Variants in METTL21C observed in about 807,000 individuals in gnomAD.
METTL21C encodes protein-lysine methyltransferase METTL21C.
Under a neutral mutation model 25.9 loss-of-function variants are expected in METTL21C, and 21 were observed. The observed-to-expected ratio is 0.81, with a 90% confidence interval of 0.58 to 1.17. The LOEUF (loss-of-function observed/expected upper bound fraction) is 1.17, where lower values mean the gene tolerates loss of function less well. METTL21C is among the 50% of genes most tolerant of loss of function. The probability of loss-of-function intolerance (pLI) is 0.00; values close to 1 mark genes in which losing one functional copy is unlikely to be tolerated. For synonymous variants in METTL21C, 125 were observed against 124.7 expected, an observed-to-expected ratio of 1.00 and a Z score of -0.01; for missense variants, 312 against 315.1, an observed-to-expected ratio of 0.99 and a Z score of 0.07.
At position 102,686,479 on chromosome 13, in the gene METTL21C, A is replaced by G. The variant is rs897874531; in HGVS notation, c.401-54T>C. On this transcript the variant is annotated intron_variant, in intron 3 of 3. Transcript: ENST00000267273. ...AAACATCTGGGCAGTCACAGTGTAC[A>G]TATACCCAGGGAGAAACACAAGAAA... 5.2e-6 allele frequency: 8 copies of G among 1,537,412 alleles called. No individual in the cohort carries two copies. In the South Asian group the frequency reaches 9.1e-5, roughly 17 times the overall value.
upstream of METTL21C, among the ~76,000 whole-genome samples, chr13:102,699,130 C>A (rs887250605): frequency 4.6e-5 from 7 of 152,150 alleles, no homozygotes; most frequent in Non-Finnish European, 8.8e-5. Flanking sequence ...AGGGCCATAA[C>A]CCATAAAAAG....
chr13:102,697,011 G>A (rs1489146895), upstream of METTL21C, among the ~76,000 whole-genome samples: 1 of 152,148 alleles, frequency 6.6e-6, no homozygotes, highest in Admixed American at 6.5e-5. Context: ...CTCCTGCATG[G>A]CTTCGGAGGG....
chr13:102,689,378 A>T (rs1489651601), intron 2 of METTL21C, among the ~76,000 whole-genome samples: 1 of 152,246 alleles, frequency 6.6e-6, no homozygotes, highest in Non-Finnish European at 1.5e-5. Flanking sequence ...AATTATATGC[A>T]TAAGGTGTAA....
upstream of METTL21C, among the ~76,000 whole-genome samples, chr13:102,697,019 G>A (rs1274401570): frequency 6.6e-6 from 1 of 152,128 alleles, no homozygotes; most frequent in Admixed American, 6.5e-5. Context: ...TGGCTTCGGA[G>A]GGCACGCTGA....
At position 102,686,287 on chromosome 13, in the gene METTL21C, A is replaced by G; in HGVS notation, c.539T>C (p.Phe180Ser). Residue 180 changes from phenylalanine to serine, a missense_variant, in exon 4 of 4, where the codon TTT (phenylalanine) becomes TCT (serine). Coordinates refer to ENST00000267273, the MANE Select transcript of METTL21C (RefSeq NM_001010977.3). ...ATCATAGTAAAAAGCTGACTTGGGA[A>G]AGTTTTTGTCCAGGTCTTCCCCCCA... The part of the protein sequence containing the change: ...LVWGEDLDKN[F>S]PKSAFYYDYV... 6.2e-7 allele frequency: 1 copy of G among 1,614,148 alleles called. No homozygotes were observed.
At chr13:102,701,180 G>C in the METTL21C span, among the ~76,000 whole-genome samples, 4 of 151,904 alleles carry the variant, frequency 2.6e-5, no homozygotes, top group Admixed American at 6.6e-5. Context: ...CAAGGTTTGG[G>C]GGGAAATACT....
In METTL21C at chr13:102,688,841, C is replaced by T. The variant is rs1468623762; in HGVS notation, c.283-1784G>A. Reference sequence around the variant, plus strand: ...GAGACAAAGCTTTTCTCAGGGACAGCTGTGTCTTTTGACATTGCAAACATT... The same window carrying T: ...GAGACAAAGCTTTTCTCAGGGACAGTTGTGTCTTTTGACATTGCAAACATT... On this transcript the variant is annotated intron_variant, in intron 2 of 3. Transcript: ENST00000267273. Among the ~76,000 whole-genome samples the T allele has an allele frequency of 1.5e-4, 21 of 141,688 alleles. No homozygotes were observed. In the South Asian group the frequency reaches 2.9e-3, roughly 20 times the overall value. The allele number at this position is 141,688 out of a possible 152,430, so 93.0% of individuals were successfully genotyped here. A position where few individuals can be genotyped will look rare whatever the true frequency, so the allele number is the denominator to read the frequency against.
chr13:102,686,890 T>C (rs755243558), intron 3 of METTL21C, 50 bp downstream of exon 3: 1 of 1,438,904 alleles, frequency 6.9e-7, no homozygotes, highest in Non-Finnish European at 9.8e-7. Flanking sequence ...CACTTGCTAT[T>C]GTTGTTACAG....
upstream of METTL21C, among the ~76,000 whole-genome samples, chr13:102,699,095 G>A (rs1885992671): frequency 6.6e-6 from 1 of 152,166 alleles, no homozygotes; most frequent in South Asian, 2.1e-4. Context: ...ACGAAGAGCA[G>A]GCTGGCAACT....
intron 2 of METTL21C, among the ~76,000 whole-genome samples, chr13:102,688,816 G>T (rs1186889836): frequency 7.2e-5 from 11 of 152,094 alleles, no homozygotes; most frequent in African/African-American, 2.4e-4. Flanking sequence ...GTGTCATGCG[G>T]AGACAAAGCT....
upstream of METTL21C, among the ~76,000 whole-genome samples, chr13:102,695,748 T>C (rs1885936463): frequency 6.6e-6 from 1 of 152,238 alleles, no homozygotes; most frequent in East Asian, 1.9e-4. Flanking sequence ...GCTCTATCGT[T>C]CTAATGCTTT....
the METTL21C span, among the ~76,000 whole-genome samples, chr13:102,700,639 A>C: frequency 6.6e-6 from 1 of 152,242 alleles, no homozygotes; most frequent in Non-Finnish European, 1.5e-5. Context: ...TACTCTGGCA[A>C]CGACATTTAT....
At chr13:102,696,680 C>T (rs960426722), upstream of METTL21C, among the ~76,000 whole-genome samples, 2 of 152,142 alleles carry the variant, frequency 1.3e-5, no homozygotes, top group African/African-American at 4.8e-5. Flanking sequence ...TAGGCAGAGG[C>T]TATGTCCAAA....
At chr13:102,692,152 G>GT (rs1293781737) in intron 1 of METTL21C, among the ~76,000 whole-genome samples, 1 of 152,194 alleles carries the variant, frequency 6.6e-6, no homozygotes, top group Non-Finnish European at 1.5e-5. Flanking sequence ...TTGGACAAAG[G>GT]TAGAAGGGGG....
the METTL21C span, among the ~76,000 whole-genome samples, chr13:102,702,263 C>T: frequency 2.0e-5 from 3 of 151,238 alleles, no homozygotes; most frequent in African/African-American, 7.3e-5. Context: ...AACCTGACAA[C>T]ATGTGTCCAC....
chr13:102,695,577 T>C (rs377440333), upstream of METTL21C, among the ~76,000 whole-genome samples: 106 of 152,308 alleles, frequency 7.0e-4, no homozygotes, highest in Non-Finnish European at 1.1e-3. Flanking sequence ...CATTTTTGTT[T>C]TTGTACCCAC....
At chr13:102,701,352 C>G in the METTL21C span, among the ~76,000 whole-genome samples, 3 of 152,154 alleles carry the variant, frequency 2.0e-5, no homozygotes, top group Non-Finnish European at 4.4e-5. Context: ...CACATACCAA[C>G]TCCACCAGGT....
At chr13:102,691,140 T>A (rs1885821453) in intron 1 of METTL21C, among the ~76,000 whole-genome samples, 176 bp from the exon 2 acceptor site, 1 of 152,064 alleles carries the variant, frequency 6.6e-6, no homozygotes, top group Non-Finnish European at 1.5e-5. Context: ...TATGGGGTGA[T>A]GGGGACATGA....
intron 2 of METTL21C, 26 bp from the exon 3 acceptor site, chr13:102,687,083 G>A: frequency 1.3e-6 from 2 of 1,568,014 alleles, no homozygotes; most frequent in Non-Finnish European, 1.8e-6. Context: ...AACTTTTCAT[G>A]TGGGCATTGG....
Sources: gnomAD v4.1 joint callset for allele counts (sites outside exome capture counted in the v4.1 genomes callset) on GRCh38, gnomAD v4.1.1 for gene constraint, MANE v1.5 for transcripts, NCBI Gene and HGNC (gene_info 2026-07-23, HGNC 2026-07-21) for gene names.